Variants in TBL1X observed in about 807,000 individuals in gnomAD.
The protein encoded by TBL1X is transducin beta like 1 X-linked.
A neutral mutation model predicts 50.7 loss-of-function variants in TBL1X; 10 were observed. The observed-to-expected ratio is 0.20, with a 90% CI of 0.12 to 0.33. TBL1X has a LOEUF of 0.33. TBL1X is among the 10% of genes least tolerant of loss of function. TBL1X has a pLI of 1.00. For synonymous variants in TBL1X, 190 were observed against 214.7 expected (o/e 0.88, Z 1.01); for missense variants, 340 against 504.4 (o/e 0.67, Z 3.12).
intron 1 of TBL1X, among the ~76,000 whole-genome samples, chrX:9,494,336 T>G (rs1298207309): frequency 9.0e-6 from 1 of 111,683 alleles, no homozygotes; most frequent in Non-Finnish European, 1.9e-5. Flanking sequence ...CTTGGTTATC[T>G]ACTCATGTGC....
At chrX:9,711,485 TTTAG>T in intron 15 of TBL1X, 122 bp from the exon 16 acceptor site, 1 of 666,196 alleles carries the variant, frequency 1.5e-6, no homozygotes, top group East Asian at 4.2e-5. Context: ...CAAAAAGCTT[TTTAG>T]TTATTATCTT....
intron 2 of TBL1X, among the ~76,000 whole-genome samples, chrX:9,589,043 C>T (rs887244367): frequency 1.8e-5 from 2 of 111,479 alleles, no homozygotes; most frequent in African/African-American, 6.5e-5. Context: ...GTGAATACCC[C>T]AGGGCATCAT....
At position 9,694,962 on chromosome X, in the gene TBL1X, A is replaced by G. The variant is rs771557471; in HGVS notation, c.1053+1543A>G. Among the ~76,000 whole-genome samples, 10 of 88,554 alleles carry G rather than the reference A, an allele frequency of 1.1e-4. No individual in the cohort carries two copies. The East Asian group carries it at 2.9e-3, about 26-fold the overall frequency. The allele number at this position is 88,554 out of a possible 115,157, so 76.9% of individuals were successfully genotyped here. The stretch of plus-strand genomic sequence containing the variant: ...CAACAAGAGCAAAACTTCATCTCAA[A>G]TAAATAAATAAATAAATAAATAAAT... On this transcript the variant is annotated intron_variant, in intron 11 of 17. Transcript: ENST00000645353.
intron 6 of TBL1X, among the ~76,000 whole-genome samples, chrX:9,685,717 C>T (rs200198137): frequency 3.4e-4 from 20 of 59,625 alleles, no homozygotes; most frequent in East Asian, 1.3e-3. Flanking sequence ...CTTTTCTTTT[C>T]TTTTTTTTTT....
intron 2 of TBL1X, among the ~76,000 whole-genome samples, chrX:9,588,777 A>AT (rs1411523472): frequency 9.1e-6 from 1 of 109,476 alleles, no homozygotes; most frequent in East Asian, 2.9e-4. Context: ...TAATTTTTGT[A>AT]TTTTTAGTAG....
chrX:9,697,354 GT>G lies in TBL1X; in HGVS notation c.1054-12del. The G allele has an allele frequency of 8.3e-7, 1 of 1,206,489 alleles. No homozygotes were observed. The highest frequency in any genetic ancestry group is 1.1e-6 in the Non-Finnish European group (1 of 894,216). ...AGAATAGTTACTAACTTTTTCCTTT[GT>G]TTGCGGAACACAGACAACAATAATT... is the stretch of plus-strand genomic sequence containing the variant. On this transcript the variant is annotated splice_polypyrimidine_tract_variant and intron_variant, in intron 11 of 17. Coordinates refer to ENST00000645353, the MANE Select transcript of TBL1X (RefSeq NM_005647.4).
intron 2 of TBL1X, among the ~76,000 whole-genome samples, chrX:9,515,139 A>G (rs983702558): frequency 6.3e-5 from 7 of 111,950 alleles, no homozygotes; most frequent in Non-Finnish European, 1.3e-4. Context: ...ATAACACCCA[A>G]CTTACTGCAA....
intron 7 of TBL1X, among the ~76,000 whole-genome samples, chrX:9,689,226 A>G (rs2083082800): frequency 8.9e-6 from 1 of 112,320 alleles, no homozygotes; most frequent in Non-Finnish European, 1.9e-5. Context: ...CGAGCTGACT[A>G]TGACGTTGCT....
rs146596930 is a variant in TBL1X at position 9,576,695 on chromosome X, T to TAAA, written c.-130-63559_-130-63557dup. 3.4e-3 allele frequency among the ~76,000 whole-genome samples: 243 copies of TAAA among 72,364 alleles called. 3 individuals carry two copies. Among genetic ancestry groups the TAAA allele is most frequent in the African/African-American group, 0.012 (219 of 18,317 alleles). The allele number at this position is 72,364 out of a possible 115,157, so 62.8% of individuals were successfully genotyped here. Reference sequence around the variant, plus strand: ...TTTAGATCTTTTAAAAGCACTACATTAAAAAAAAAAAAAAAAAAAAACATC... The same window carrying TAAA: ...TTTAGATCTTTTAAAAGCACTACATTAAAAAAAAAAAAAAAAAAAAAAAACATC... On this transcript the variant is annotated intron_variant, in intron 2 of 17. Transcript: ENST00000645353.
intron 2 of TBL1X, among the ~76,000 whole-genome samples, chrX:9,582,741 C>T (rs754829496): frequency 7.1e-5 from 8 of 112,304 alleles, no homozygotes; most frequent in Non-Finnish European, 1.3e-4. Context: ...GGGACAGATG[C>T]CACATATATA....
At chrX:9,592,912 C>T (rs2028050) in intron 2 of TBL1X, among the ~76,000 whole-genome samples, 36,992 of 110,794 alleles carry the variant, frequency 0.33, 4,623 homozygotes, top group East Asian at 0.67. Context: ...GCCACAGTGC[C>T]CATGGGTCTG....
intron 5 of TBL1X, among the ~76,000 whole-genome samples, chrX:9,663,747 C>T (rs1380811742): frequency 4.6e-5 from 4 of 87,772 alleles, no homozygotes; most frequent in Non-Finnish European, 6.4e-5. Context: ...GGCGACAGAG[C>T]GAGATTCTGT....
chrX:9,703,250 T>TCACCAGAGAAGGGAAGGGAAGAGAC (rs2083185948), intron 12 of TBL1X, among the ~76,000 whole-genome samples: 1 of 91,120 alleles, frequency 1.1e-5, no homozygotes, highest in East Asian at 4.0e-4. Context: ...AGGGAAGAGA[T>TCACCAGAGAAGGGAAGGGAAGAGAC]CACCAGAGAA....
rs773386101 is a variant in TBL1X at position 9,711,657 on chromosome X, G to A, written c.1486G>A (p.Val496Ile). Residue 496 changes from valine to isoleucine, a missense_variant, in exon 16 of 18, where the codon GTC becomes ATC. Physicochemically the swap from Val to Ile is conservative, Grantham distance 29. Around this residue, in one of 6 missense-constraint regions of TBL1X, gnomAD observed 170 missense variants for 272.6 expected, o/e 0.62. Coordinates refer to ENST00000645353, the MANE Select transcript of TBL1X (RefSeq NM_005647.4). The part of the protein sequence containing the change: ...TVRLWDIERG[V>I]CTHTLTKHQE... ...GCGACTGTGGGACATAGAACGAGGC[G>A]TCTGCACCCACACGCTCACGAAGCA... 1.7e-5 allele frequency: 20 copies of A among 1,207,737 alleles called. No individual in the cohort carries two copies. Among genetic ancestry groups the A allele is most frequent in the African/African-American group, 3.5e-5 (2 of 57,232 alleles).
chrX:9,679,447 G>A (rs2083013138), intron 5 of TBL1X, among the ~76,000 whole-genome samples: 1 of 111,451 alleles, frequency 9.0e-6, no homozygotes, highest in Non-Finnish European at 1.9e-5. Context: ...TCCTAAGTAG[G>A]TGGCAAGCCT....
intron 5 of TBL1X, among the ~76,000 whole-genome samples, chrX:9,680,498 C>G (rs745849624): frequency 4.0e-4 from 45 of 111,159 alleles, no homozygotes; most frequent in African/African-American, 1.2e-3. Context: ...CCAAATGAAG[C>G]GACATGGGCC....
At chrX:9,479,683 CTT>C (rs1287694174) in intron 1 of TBL1X, among the ~76,000 whole-genome samples, 3 of 111,402 alleles carry the variant, frequency 2.7e-5, no homozygotes, top group African/African-American at 9.8e-5. Context: ...GCTTCTGTGA[CTT>C]TTAATAATTG....
chrX:9,657,968 A>G (rs774993482), intron 5 of TBL1X, among the ~76,000 whole-genome samples: 3 of 111,473 alleles, frequency 2.7e-5, no homozygotes, highest in Non-Finnish European at 5.7e-5. Context: ...ATGGGGAGGG[A>G]CCCAGTGGGA....
chrX:9,665,360 G>C (rs1056206823), intron 5 of TBL1X, among the ~76,000 whole-genome samples: 1 of 100,934 alleles, frequency 9.9e-6, no homozygotes, highest in Non-Finnish European at 2.0e-5. Flanking sequence ...TGCAAATATT[G>C]TAACGGAAGA....
Sources: allele counts gnomAD v4.1 joint callset (sites outside exome capture counted in the v4.1 genomes callset), GRCh38; gene constraint gnomAD v4.1.1; regional missense constraint gnomAD v4.1.1; transcripts MANE v1.5; gene names NCBI Gene and HGNC (gene_info 2026-07-23, HGNC 2026-07-21).